The following CDH20 variants were observed in gnomAD, a reference collection of about 807,000 sequenced individuals.
CDH20 encodes the protein cadherin-20.
Under a neutral mutation model 74.2 loss-of-function variants are expected in CDH20, and 29 were observed. The observed-to-expected ratio is 0.39, with a 90% CI of 0.29 to 0.53. CDH20 has a LOEUF of 0.53. Ranked by LOEUF, CDH20 falls within the 20% of genes least tolerant of loss-of-function variation. CDH20 has a pLI of 0.69. For missense variants in CDH20, 988 were observed against 1,048.3 expected (o/e 0.94, Z 0.79); for synonymous variants, 469 against 405.4 (o/e 1.16, Z -1.88).
Position 61,499,191 on chromosome 18 carries a change from T to G in CDH20, c.252T>G (p.His84Gln), listed in dbSNP as rs1278869436. Residue 84 changes from histidine to glutamine, a missense_variant, in exon 3 of 12, where the codon CAT (histidine) becomes CAG (glutamine). Physicochemically the swap from His to Gln is conservative, Grantham distance 24. Coordinates refer to ENST00000262717, the MANE Select transcript of CDH20 (RefSeq NM_031891.4). ...GTDPLYVGKL[H>Q]SDMDRGDGSI... ...TAGGTGCTTTCCTCTCCCAGCTTCA[T>G]TCAGATATGGACAGGGGAGACGGAT... is the stretch of plus-strand genomic sequence containing the variant. The G allele has an allele frequency of 6.5e-7, 1 of 1,540,722 alleles. No individual in the cohort carries two copies. The highest frequency in any genetic ancestry group is 1.2e-5 in the South Asian group (1 of 80,290).
intron 1 of CDH20, among the ~76,000 whole-genome samples, chr18:61,363,820 A>G (rs1910774602): frequency 6.6e-6 from 1 of 152,216 alleles, no homozygotes; most frequent in Admixed American, 6.5e-5. Context: ...GTGGTAGCTT[A>G]CAGAGGAAAA....
intron 1 of CDH20, among the ~76,000 whole-genome samples, chr18:61,356,823 GAC>G (rs1185941109): frequency 6.6e-6 from 1 of 152,176 alleles, no homozygotes; most frequent in Non-Finnish European, 1.5e-5. Flanking sequence ...CAGGCAGGGA[GAC>G]AGAGTACATA....
chr18:61,439,442 A>G lies in CDH20; in HGVS notation c.-152-50960A>G, dbSNP rs567138461. Reference sequence around the variant, plus strand: ...AGCAATATTGAGAATCAACCATAACAAGCAATGTCTAGATTCTGAAACTCT... The same window carrying G: ...AGCAATATTGAGAATCAACCATAACGAGCAATGTCTAGATTCTGAAACTCT... On this transcript the variant is annotated intron_variant, in intron 1 of 11. Coordinates refer to ENST00000262717, the MANE Select transcript of CDH20 (RefSeq NM_031891.4). Among the ~76,000 whole-genome samples, 7 of 152,266 alleles carry G rather than the reference A, an allele frequency of 4.6e-5. No homozygotes were observed. The South Asian group carries it at 1.5e-3, about 32-fold the overall frequency.
chr18:61,467,879 A>G (rs1000829086), intron 1 of CDH20, among the ~76,000 whole-genome samples: 2 of 152,176 alleles, frequency 1.3e-5, no homozygotes, highest in Non-Finnish European at 2.9e-5. Flanking sequence ...ACTAATAACT[A>G]GTATCTATTG....
chr18:61,438,452 T>C (rs1343506517), intron 1 of CDH20, among the ~76,000 whole-genome samples: 4 of 152,058 alleles, frequency 2.6e-5, no homozygotes, highest in African/African-American at 9.7e-5. Context: ...CAGGCAGAGG[T>C]TACCTTTAAA....
At position 61,499,275 on chromosome 18, in the gene CDH20, C is replaced by T; in HGVS notation, c.336C>T (p.Thr112=). ...GAGIVFTIDD[T]TGDIHAIQRL... Reference sequence around the variant, plus strand: ...GCATCGTGTTTACCATCGACGACACCACTGGAGACATCCACGCCATTCAGA... The same window carrying T: ...GCATCGTGTTTACCATCGACGACACTACTGGAGACATCCACGCCATTCAGA... Residue 112 remains threonine, a synonymous_variant, in exon 3 of 12, where the codon ACC becomes ACT. Coordinates refer to ENST00000262717, the MANE Select transcript of CDH20 (RefSeq NM_031891.4). The T allele has an allele frequency of 6.2e-6, 10 of 1,613,972 alleles. No individual in the cohort carries two copies. The highest frequency in any genetic ancestry group is 8.5e-6 in the Non-Finnish European group (10 of 1,179,900).
At chr18:61,523,541 C>G (rs1001861226) in intron 6 of CDH20, among the ~76,000 whole-genome samples, 9 of 152,122 alleles carry the variant, frequency 5.9e-5, no homozygotes, top group Non-Finnish European at 1.2e-4. Flanking sequence ...ACCAGAAATA[C>G]CATATGACCC....
intron 7 of CDH20, among the ~76,000 whole-genome samples, chr18:61,534,785 G>T (rs1436900802): frequency 6.6e-6 from 1 of 152,106 alleles, no homozygotes; most frequent in Non-Finnish European, 1.5e-5. Context: ...TTCAGTAAGG[G>T]GTAGTAAGTT....
intron 11 of CDH20, among the ~76,000 whole-genome samples, chr18:61,552,397 C>T (rs1393562692): frequency 2.7e-5 from 4 of 150,006 alleles, no homozygotes; most frequent in Admixed American, 2.0e-4. Flanking sequence ...AATTAGATTA[C>T]CTTAAAAAAA....
intron 1 of CDH20, among the ~76,000 whole-genome samples, chr18:61,485,516 A>G (rs914849843): frequency 2.0e-5 from 3 of 152,126 alleles, no homozygotes; most frequent in Non-Finnish European, 4.4e-5. Flanking sequence ...CAAAAGAGCC[A>G]TGGAGCTTCC....
chr18:61,494,888 G>A (rs2077355610), intron 2 of CDH20, among the ~76,000 whole-genome samples: 1 of 152,152 alleles, frequency 6.6e-6, no homozygotes, highest in Non-Finnish European at 1.5e-5. Flanking sequence ...CTGCATACTC[G>A]AAATTACTCA....
intron 9 of CDH20, among the ~76,000 whole-genome samples, chr18:61,544,655 T>G (rs755455578): frequency 1.3e-5 from 2 of 152,118 alleles, no homozygotes; most frequent in Non-Finnish European, 2.9e-5. Flanking sequence ...TCTGCCAGTG[T>G]CTGCTGGTGT....
chr18:61,367,040 G>A (rs72991810), intron 1 of CDH20, among the ~76,000 whole-genome samples: 15,467 of 152,162 alleles, frequency 0.1, 954 homozygotes, highest in East Asian at 0.22. Flanking sequence ...CAGACAGGAA[G>A]AGAGAAATAA....
intron 1 of CDH20, among the ~76,000 whole-genome samples, chr18:61,360,750 C>T (rs767812632): frequency 9.9e-5 from 15 of 152,196 alleles, no homozygotes; most frequent in Non-Finnish European, 2.1e-4. Context: ...ATACCAAAGC[C>T]CAGCCAGGCA....
chr18:61,520,916 C>T (rs950710137), intron 6 of CDH20, among the ~76,000 whole-genome samples: 2 of 151,120 alleles, frequency 1.3e-5, no homozygotes, highest in Middle Eastern at 3.4e-3. Context: ...TGGGACACCG[C>T]TAAAGCAGTG....
Position 61,538,616 on chromosome 18 carries a change from TTTTGTTTTG to T in CDH20, c.1409-404_1409-396del, listed in dbSNP as rs1165739056. Among the ~76,000 whole-genome samples the T allele has an allele frequency of 4.2e-4, 21 of 50,002 alleles. 6 individuals carry two copies. The highest frequency in any genetic ancestry group is 1.0e-3 in the Admixed American group (4 of 3,824). 32.8% of individuals were successfully genotyped at this position (50,002 alleles called of 152,430 possible). A position where few individuals can be genotyped will look rare whatever the true frequency, so the allele number is the denominator to read the frequency against. On this transcript the variant is annotated intron_variant, in intron 8 of 11. Transcript: ENST00000262717. ...TGTTTGTTTTTGTTTTTGTTTTTGT[TTTTGTTTTG>T]TTTTTTTTTTTGAGACGGAGTCTTA...
intron 6 of CDH20, among the ~76,000 whole-genome samples, chr18:61,510,429 G>C (rs983237427): frequency 1.3e-5 from 2 of 152,188 alleles, no homozygotes; most frequent in Non-Finnish European, 2.9e-5. Context: ...CAGACTTTAG[G>C]AACATGGAAG....
At chr18:61,492,488 A>T (rs1910993546) in intron 2 of CDH20, among the ~76,000 whole-genome samples, 1 of 152,128 alleles carries the variant, frequency 6.6e-6, no homozygotes, top group Admixed American at 6.5e-5. Context: ...CCCACTGTGC[A>T]TTGAATCCTC....
intron 9 of CDH20, among the ~76,000 whole-genome samples, 198 bp downstream of exon 9, chr18:61,539,343 T>C (rs1350630449): frequency 4.6e-5 from 7 of 152,306 alleles, no homozygotes; most frequent in Non-Finnish European, 8.8e-5. Context: ...TGGTGGCTCA[T>C]GCCTGTAATC....
Sources: gnomAD v4.1 joint callset for allele counts (sites outside exome capture counted in the v4.1 genomes callset) on GRCh38, gnomAD v4.1.1 for gene constraint, MANE v1.5 for transcripts, NCBI Gene and HGNC (gene_info 2026-07-23, HGNC 2026-07-21) for gene names.